The following DDX46 variants were observed in gnomAD, a reference collection of about 807,000 sequenced individuals.
DDX46 encodes DEAD-box helicase 46.
DDX46 carries 30 observed loss-of-function variants against 134.9 expected under a neutral mutation model. That is an observed-to-expected ratio of 0.22 (90% CI 0.17 to 0.30). The LOEUF is 0.30. Among genes scored for constraint, DDX46 ranks in the 10% least tolerant of loss-of-function variants. The pLI is 1.00. For missense variants in DDX46, 622 were observed against 1,248.7 expected, an observed-to-expected ratio of 0.50 and a Z score of 7.56; for synonymous variants, 415 against 404.1, an observed-to-expected ratio of 1.03 and a Z score of -0.32.
rs77945747 is a variant in DDX46, at chr5:134,768,716, C to T, written c.350+1656C>T. ...TTATGAGATGCCGTAAGTTGGGGTG[C>T]GTAAACAAGTTGGGTTTATTCCAAG... On this transcript the variant is annotated intron_variant, in intron 3 of 22. Coordinates refer to ENST00000452510, the MANE Select transcript of DDX46 (RefSeq NM_001300860.2). Among the ~76,000 whole-genome samples, 1,301 of 152,042 alleles carry T rather than the reference C, an allele frequency of 8.6e-3. 5 individuals are homozygous for T. Among genetic ancestry groups the T allele is most frequent in the Middle Eastern group, 0.041 (12 of 294 alleles).
intron 2 of DDX46, among the ~76,000 whole-genome samples, chr5:134,765,565 AAG>A (rs1655668089): frequency 6.6e-6 from 1 of 151,910 alleles, no homozygotes; most frequent in African/African-American, 2.4e-5. Flanking sequence ...AACAGAAAAA[AAG>A]AAAATAATCT....
intron 5 of DDX46, among the ~76,000 whole-genome samples, chr5:134,776,235 C>CAA (rs1416573521): frequency 6.6e-6 from 1 of 151,438 alleles, no homozygotes; most frequent in Admixed American, 6.6e-5. Flanking sequence ...ACTAAAAATA[C>CAA]AAAAATTAGC....
chr5:134,790,524 G>A lies in DDX46; in HGVS notation c.1598G>A (p.Arg533Lys). The stretch of plus-strand genomic sequence containing the variant: ...TATGTTGTTTTAGATGAAGCAGACA[G>A]AATGTTTGACATGGGTTTTGAACCC... ...VTYVVLDEAD[R>K]MFDMGFEPQV... The change falls in exon 13 of 23, where the codon AGA becomes AAA. Residue 533 changes from arginine to lysine, a missense_variant. Transcript: ENST00000452510. 6.2e-7 allele frequency: 1 copy of A among 1,613,374 alleles called. No individual in the cohort carries two copies.
intron 17 of DDX46, 118 bp downstream of exon 17, chr5:134,811,476 TTCTC>T (rs949290031): frequency 1.1e-5 from 15 of 1,367,010 alleles, no homozygotes; most frequent in East Asian, 2.4e-5. Context: ...CTATTTTTAT[TTCTC>T]TCTAGAGGGA....
rs1755693864 is a variant in DDX46, at chr5:134,830,026, T to C, written c.*1320T>C. ...ATTGTTATAATTGGATTACCTAATA[T>C]TCTTTTCAAGACTCCTGATGTATTA... On this transcript the variant is annotated 3_prime_UTR_variant, in exon 23 of 23. Coordinates refer to ENST00000452510, the MANE Select transcript of DDX46 (RefSeq NM_001300860.2). 1 of 152,006 alleles carries C rather than the reference T, an allele frequency of 6.6e-6. No individual in the cohort carries two copies. Among genetic ancestry groups the C allele is most frequent in the African/African-American group, 2.4e-5 (1 of 41,410 alleles). 9.4% of individuals were successfully genotyped at this position (152,006 alleles called of 1,614,324 possible). A position where few individuals can be genotyped will look rare whatever the true frequency, so the allele number is the denominator to read the frequency against.
chr5:134,765,732 T>A (rs1452180395), intron 2 of DDX46, among the ~76,000 whole-genome samples: 1 of 152,036 alleles, frequency 6.6e-6, no homozygotes, highest in Non-Finnish European at 1.5e-5. Flanking sequence ...GAAGACAAGA[T>A]TGTGTTGTGA....
chr5:134,772,775 G>A (rs1277976204), intron 4 of DDX46, among the ~76,000 whole-genome samples: 1 of 152,146 alleles, frequency 6.6e-6, no homozygotes, highest in Non-Finnish European at 1.5e-5. Context: ...CAAAGCACTG[G>A]AATTACAAGC....
At position 134,829,183 on chromosome 5, in the gene DDX46, A is replaced by G. The variant is rs1332646014; in HGVS notation, c.*477A>G. The G allele has an allele frequency of 2.6e-5, 4 of 152,258 alleles. No homozygotes were observed. The highest frequency in any genetic ancestry group is 2.6e-4 in the Admixed American group (4 of 15,280). 9.4% of individuals were successfully genotyped at this position (152,258 alleles called of 1,614,324 possible). On this transcript the variant is annotated 3_prime_UTR_variant, in exon 23 of 23. Coordinates refer to ENST00000452510, the MANE Select transcript of DDX46 (RefSeq NM_001300860.2). Reference sequence around the variant, plus strand: ...TATGAACTGGATTTAAGAATGTTATAATAGAAGTCTTACAAAATGGGTTGA... The same window carrying G: ...TATGAACTGGATTTAAGAATGTTATGATAGAAGTCTTACAAAATGGGTTGA...
At chr5:134,788,865 A>C (rs1754422490) in intron 12 of DDX46, among the ~76,000 whole-genome samples, 1 of 151,976 alleles carries the variant, frequency 6.6e-6, no homozygotes, top group South Asian at 2.1e-4. Flanking sequence ...AAAAAATAAT[A>C]ATTGTAACAA....
chr5:134,787,166 T>C (rs1291835044), intron 11 of DDX46, among the ~76,000 whole-genome samples: 9 of 152,110 alleles, frequency 5.9e-5, no homozygotes, highest in Non-Finnish European at 1.0e-4. Context: ...TCAAGCAATC[T>C]GCTTGCCTTG....
intron 19 of DDX46, 173 bp from the exon 20 acceptor site, chr5:134,817,323 A>G: frequency 8.0e-6 from 5 of 624,102 alleles, no homozygotes; most frequent in Non-Finnish European, 1.3e-5. Flanking sequence ...ATTAAACTAC[A>G]TTATAAATAT....
intron 16 of DDX46, 88 bp downstream of exon 16, chr5:134,808,029 T>C (rs1354832228): frequency 6.5e-6 from 8 of 1,226,762 alleles, no homozygotes; most frequent in South Asian, 1.8e-5. Context: ...ATAGGAGTTA[T>C]GGAGACATTT....
rs562561123 is a variant in DDX46, at chr5:134,760,399, A to T, written c.17+1444A>T. ...TTTTCTGCATATGTAGGTTTCATGA[A>T]GGGATTTTATCTTTTTTGAGAAGTA... On this transcript the variant is annotated intron_variant, in intron 1 of 22. Coordinates refer to ENST00000452510, the MANE Select transcript of DDX46 (RefSeq NM_001300860.2). Among the ~76,000 whole-genome samples the T allele has an allele frequency of 2.0e-5, 3 of 152,286 alleles. No individual in the cohort carries two copies. The East Asian group carries it at 5.8e-4, about 29-fold the overall frequency.
At chr5:134,824,883 AAGG>A (rs751425215) in intron 21 of DDX46, among the ~76,000 whole-genome samples, 13 of 152,144 alleles carry the variant, frequency 8.5e-5, no homozygotes, top group Non-Finnish European at 4.4e-5. Flanking sequence ...AGGCAAAGGG[AAGG>A]AGAACAGGAA....
At chr5:134,783,960 C>T (rs1298028049) in intron 9 of DDX46, among the ~76,000 whole-genome samples, 1 of 150,926 alleles carries the variant, frequency 6.6e-6, no homozygotes, top group Non-Finnish European at 1.5e-5. Context: ...GCTGGGATTT[C>T]AGTCATGAAC....
chr5:134,808,120 A>C (rs190065493), intron 16 of DDX46, among the ~76,000 whole-genome samples, 179 bp downstream of exon 16: 12 of 152,298 alleles, frequency 7.9e-5, no homozygotes, highest in Admixed American at 6.5e-4. Context: ...GTGTTGTTCA[A>C]ATTATCAGAT....
chr5:134,762,193 T>C (rs1422361216), intron 1 of DDX46, among the ~76,000 whole-genome samples: 1 of 149,292 alleles, frequency 6.7e-6, no homozygotes, highest in Non-Finnish European at 1.5e-5. Context: ...GGGAAGATGC[T>C]TGAGGCCGGG....
chr5:134,784,550 C>G lies in DDX46; in HGVS notation c.1342+9C>G. On this transcript the variant is annotated intron_variant, in intron 10 of 22. Coordinates refer to ENST00000452510, the MANE Select transcript of DDX46 (RefSeq NM_001300860.2). ...AGGAGAGGGGCCAATAGGTACAATT[C>G]TTTTCATTAAACTATTTTTCAAATA... 1 of 1,576,388 alleles carries G rather than the reference C, an allele frequency of 6.3e-7. No homozygotes were observed. The highest frequency in any genetic ancestry group is 8.6e-7 in the Non-Finnish European group (1 of 1,162,662).
intron 13 of DDX46, among the ~76,000 whole-genome samples, chr5:134,793,016 G>GT (rs1211067636): frequency 6.6e-6 from 1 of 152,106 alleles, no homozygotes; most frequent in Non-Finnish European, 1.5e-5. Context: ...AATTAGCTGG[G>GT]TGTGGGGGCA....
Sources: gnomAD v4.1 joint callset for allele counts (sites outside exome capture counted in the v4.1 genomes callset) on GRCh38, gnomAD v4.1.1 for gene constraint, MANE v1.5 for transcripts, NCBI Gene and HGNC (gene_info 2026-07-23, HGNC 2026-07-21) for gene names.